SH3PXD2A: variants seen among roughly 807,000 people sequenced by gnomAD.
SH3PXD2A encodes the protein SH3 and PX domains 2A.
A neutral mutation model predicts 115.2 loss-of-function variants in SH3PXD2A; 32 were observed. The ratio of observed to expected loss-of-function variants is 0.28; its 90% confidence interval spans 0.21 to 0.37. SH3PXD2A has a LOEUF of 0.37. Among genes scored for constraint, SH3PXD2A ranks in the 10% least tolerant of loss-of-function variants. The probability of loss-of-function intolerance (pLI) is 1.00; values close to 1 mark genes in which losing one functional copy is unlikely to be tolerated. For synonymous variants in SH3PXD2A, 610 were observed against 629.1 expected (o/e 0.97, Z 0.45); for missense variants, 1,328 against 1,498.7 (o/e 0.89, Z 1.88).
intron 5 of SH3PXD2A, among the ~76,000 whole-genome samples, chr10:103,710,350 G>A (rs2038033137): frequency 6.6e-6 from 1 of 152,142 alleles, no homozygotes; most frequent in Non-Finnish European, 1.5e-5. Flanking sequence ...ACTCCAACCT[G>A]GGTGACAGAG....
At position 103,602,152 on chromosome 10, in the gene SH3PXD2A, G is replaced by A; in HGVS notation, c.3066C>T (p.Arg1022=). The A allele has an allele frequency of 1.3e-6, 2 of 1,574,740 alleles. No individual in the cohort carries two copies. The highest frequency in any genetic ancestry group is 2.4e-5 in the South Asian group (2 of 84,168). The change falls in exon 15 of 15, where the codon CGC becomes CGT. Residue 1022 remains arginine, a synonymous_variant. Transcript: ENST00000369774. ...GGCCCTTGGCCTCGGCGGCAGCGGA[G>A]CGAGCAGTGCTAAAGGAGGAGTTCC... is the stretch of plus-strand genomic sequence containing the variant. ...VRRNSSFSTA[R]SAAAEAKGRL... is the part of the protein sequence containing the mutation.
At chr10:103,810,019 G>A (rs1031032408) in intron 1 of SH3PXD2A, among the ~76,000 whole-genome samples, 1 of 152,172 alleles carries the variant, frequency 6.6e-6, no homozygotes, top group East Asian at 1.9e-4. Flanking sequence ...AGGGTAATGA[G>A]TAGGTGAGAG....
chr10:103,668,713 A>G, intron 6 of SH3PXD2A, 61 bp from the exon 7 acceptor site: 2 of 1,469,202 alleles, frequency 1.4e-6, no homozygotes, highest in Non-Finnish European at 1.9e-6. Context: ...GAGAACGGTT[A>G]GGCAGGCAGG....
chr10:103,602,635 G>A lies in SH3PXD2A; in HGVS notation c.2583C>T (p.Phe861=), dbSNP rs1158193280. 3 of 1,614,066 alleles carry A rather than the reference G, an allele frequency of 1.9e-6. No homozygotes were observed. Among genetic ancestry groups the A allele is most frequent in the South Asian group, 1.1e-5 (1 of 91,088 alleles). ...GCACCTGCACCTCCACGCCCGCGGG[G>A]AAGCTGATCTCCGAGTCCTGGACCT... ...YQKVQDSEIS[F]PAGVEVQVLE... The change falls in exon 15 of 15, where the codon TTC becomes TTT. Residue 861 remains phenylalanine (F), a synonymous_variant. Transcript: ENST00000369774.
At chr10:103,658,165 A>G (rs1043718170) in intron 8 of SH3PXD2A, among the ~76,000 whole-genome samples, 6 of 152,210 alleles carry the variant, frequency 3.9e-5, no homozygotes, top group African/African-American at 1.2e-4. Context: ...TCTTTAGACC[A>G]ATGAGAGCAC....
At position 103,602,151 on chromosome 10, in the gene SH3PXD2A, A is replaced by C; in HGVS notation, c.3067T>G (p.Ser1023Ala). ...RRNSSFSTAR[S>A]AAAEAKGRLA... The stretch of plus-strand genomic sequence containing the variant: ...CGGCCCTTGGCCTCGGCGGCAGCGG[A>C]GCGAGCAGTGCTAAAGGAGGAGTTC... The change falls in exon 15 of 15, where the codon TCC becomes GCC. Residue 1023 changes from serine (S) to alanine (A), a missense_variant. By Grantham distance (99) the Ser-to-Ala change is moderately conservative (BLOSUM62 1). Around this residue, in one of 5 missense-constraint regions of SH3PXD2A, gnomAD observed 574 missense variants for 565.7 expected, o/e 1.01. Coordinates refer to ENST00000369774, the MANE Select transcript of SH3PXD2A (RefSeq NM_001394015.1). 2 of 1,575,580 alleles carry C rather than the reference A, an allele frequency of 1.3e-6. No individual in the cohort carries two copies. The highest frequency in any genetic ancestry group is 1.7e-6 in the Non-Finnish European group (2 of 1,158,960).
intron 13 of SH3PXD2A, 58 bp from the exon 14 acceptor site, chr10:103,605,975 C>G: frequency 1.3e-6 from 2 of 1,594,128 alleles, no homozygotes; most frequent in South Asian, 1.1e-5. Context: ...AGTAACTTGG[C>G]CAAGGGTTGG....
At chr10:103,714,382 C>T (rs866622703) in intron 5 of SH3PXD2A, among the ~76,000 whole-genome samples, 7 of 152,224 alleles carry the variant, frequency 4.6e-5, no homozygotes, top group South Asian at 2.1e-4. Flanking sequence ...TCCTCCCCAC[C>T]CTGAAGAAAA....
At chr10:103,671,631 C>T (rs1243222195) in intron 6 of SH3PXD2A, among the ~76,000 whole-genome samples, 4 of 152,242 alleles carry the variant, frequency 2.6e-5, no homozygotes, top group Non-Finnish European at 5.9e-5. Flanking sequence ...GACCCCTTCT[C>T]CCTCATTACA....
chr10:103,780,107 C>T (rs538085203), intron 2 of SH3PXD2A, among the ~76,000 whole-genome samples: 170 of 152,318 alleles, frequency 1.1e-3, no homozygotes, highest in Middle Eastern at 3.4e-3. Context: ...AAATCTGGGA[C>T]AAAGAGAGCA....
At chr10:103,853,268 A>G (rs142365333) in intron 1 of SH3PXD2A, among the ~76,000 whole-genome samples, 2 of 152,330 alleles carry the variant, frequency 1.3e-5, no homozygotes, top group African/African-American at 4.8e-5. Flanking sequence ...AAAACCCAAA[A>G]TCTTTCTTCC....
chr10:103,827,617 G>A (rs1225468910), intron 1 of SH3PXD2A, among the ~76,000 whole-genome samples: 1 of 152,164 alleles, frequency 6.6e-6, no homozygotes, highest in Non-Finnish European at 1.5e-5. Context: ...CACATTCTCA[G>A]TGCACCGTGA....
intron 9 of SH3PXD2A, among the ~76,000 whole-genome samples, chr10:103,623,955 G>A (rs1019845696): frequency 6.6e-6 from 1 of 151,908 alleles, no homozygotes; most frequent in African/African-American, 2.4e-5. Flanking sequence ...CTCTGTGTGC[G>A]AGGCCCAGTT....
At chr10:103,793,673 G>T (rs1467619261) in intron 2 of SH3PXD2A, among the ~76,000 whole-genome samples, 1 of 152,218 alleles carries the variant, frequency 6.6e-6, no homozygotes, top group African/African-American at 2.4e-5. Context: ...CACACCAGGT[G>T]TGCTGGAGCT....
intron 6 of SH3PXD2A, among the ~76,000 whole-genome samples, chr10:103,682,628 G>A (rs1007824879): frequency 6.6e-6 from 1 of 152,104 alleles, no homozygotes; most frequent in African/African-American, 2.4e-5. Context: ...ATGGTGGCAT[G>A]CATCTGTAAT....
Position 103,612,907 on chromosome 10 carries a change from G to T in SH3PXD2A, c.1204C>A (p.Leu402Met). The T allele has an allele frequency of 1.9e-6, 3 of 1,609,538 alleles. No homozygotes were observed. Among genetic ancestry groups the T allele is most frequent in the Non-Finnish European group, 2.5e-6 (3 of 1,177,922 alleles). The part of the protein sequence containing the change: ...VGVPDRTVSR[L>M]AQGSPAVARI... Reference sequence around the variant, plus strand: ...GCCACAGCTGGAGAGCCCTGGGCCAGCCTGGAGACAGTCCTGTCAGGAACG... The same window carrying T: ...GCCACAGCTGGAGAGCCCTGGGCCATCCTGGAGACAGTCCTGTCAGGAACG... The change falls in exon 12 of 15, where the codon CTG (leucine) becomes ATG (methionine). Residue 402 changes from leucine to methionine, a missense_variant. By Grantham distance (15) the Leu-to-Met change is conservative (BLOSUM62 2). Coordinates refer to ENST00000369774, the MANE Select transcript of SH3PXD2A (RefSeq NM_001394015.1).
At chr10:103,633,452 G>GA (rs984176263) in intron 8 of SH3PXD2A, among the ~76,000 whole-genome samples, 14 of 151,964 alleles carry the variant, frequency 9.2e-5, no homozygotes, top group Admixed American at 8.5e-4. Flanking sequence ...GCTGGGCGTG[G>GA]TGGCTCACGG....
chr10:103,787,542 T>G (rs1001288234), intron 2 of SH3PXD2A, among the ~76,000 whole-genome samples: 62 of 152,118 alleles, frequency 4.1e-4, no homozygotes, highest in Non-Finnish European at 2.8e-4. Flanking sequence ...CCACTGGGGA[T>G]TCCTCCTCAA....
At chr10:103,710,164 G>A (rs1197335800) in intron 5 of SH3PXD2A, among the ~76,000 whole-genome samples, 1 of 151,720 alleles carries the variant, frequency 6.6e-6, no homozygotes, top group Non-Finnish European at 1.5e-5. Context: ...AGGCCAAGGT[G>A]GGTGGATCAC....
Sources: allele counts gnomAD v4.1 joint callset (sites outside exome capture counted in the v4.1 genomes callset), GRCh38; gene constraint gnomAD v4.1.1; regional missense constraint gnomAD v4.1.1; transcripts MANE v1.5; gene names NCBI Gene and HGNC (gene_info 2026-07-23, HGNC 2026-07-21).